The following SHOC1 variants were observed in gnomAD, a reference collection of about 807,000 sequenced individuals.
The protein encoded by SHOC1 is protein shortage in chiasmata 1 ortholog.
A neutral mutation model predicts 179.2 loss-of-function variants in SHOC1; 136 were observed. The ratio of observed to expected loss-of-function variants is 0.76; its 90% confidence interval spans 0.66 to 0.87. The LOEUF (loss-of-function observed/expected upper bound fraction) is 0.87. Among genes scored for constraint, SHOC1 ranks in the 40% least tolerant of loss-of-function variants. SHOC1 has a pLI of 0.00. For missense variants in SHOC1, 1,538 were observed against 1,700.8 expected (o/e 0.90, Z 1.68); for synonymous variants, 489 against 586.6 (o/e 0.83, Z 2.41).
At chr9:111,766,611 T>G (rs139627356) in intron 5 of SHOC1, among the ~76,000 whole-genome samples, 152 of 152,156 alleles carry the variant, frequency 1.0e-3, no homozygotes, top group African/African-American at 3.3e-3. Flanking sequence ...TTTTTTTGTT[T>G]TTGGTTTTTT....
At chr9:111,730,763 C>T (rs1008577398) in intron 12 of SHOC1, among the ~76,000 whole-genome samples, 1 of 152,186 alleles carries the variant, frequency 6.6e-6, no homozygotes, top group Non-Finnish European at 1.5e-5. Flanking sequence ...GCTGCATTAG[C>T]CCCTAATAGG....
chr9:111,720,862 G>A (rs930628514), intron 15 of SHOC1, among the ~76,000 whole-genome samples: 14 of 152,154 alleles, frequency 9.2e-5, no homozygotes, highest in African/African-American at 1.7e-4. Flanking sequence ...AAGTGTCAGC[G>A]TCCTTTTCTG....
At chr9:111,762,706 A>C (rs1835188123) in intron 5 of SHOC1, among the ~76,000 whole-genome samples, 1 of 152,156 alleles carries the variant, frequency 6.6e-6, no homozygotes, top group Admixed American at 6.6e-5. Flanking sequence ...GAACAGAAGG[A>C]ATCTTCCTCA....
rs540977290 is a variant in SHOC1, at chr9:111,733,638, C to T, written c.1417+4642G>A. On this transcript the variant is annotated intron_variant, in intron 12 of 27. Coordinates refer to ENST00000682961, the MANE Select transcript of SHOC1 (RefSeq NM_001378211.1). ...ATCCCAGCACTTTGGGATGCCAAGG[C>T]GGGCGGATCACCTGAGGTCAGCAGT... Among the ~76,000 whole-genome samples, 4 of 152,152 alleles carry T rather than the reference C, an allele frequency of 2.6e-5. No individual in the cohort carries two copies. The South Asian group carries it at 6.2e-4, about 24-fold the overall frequency.
At chr9:111,763,517 C>T (rs1380143369) in intron 5 of SHOC1, among the ~76,000 whole-genome samples, 1 of 151,892 alleles carries the variant, frequency 6.6e-6, no homozygotes, top group Non-Finnish European at 1.5e-5. Flanking sequence ...TGGAACAATG[C>T]CTTTGAAATT....
At chr9:111,777,211 T>C (rs530648541) in intron 4 of SHOC1, among the ~76,000 whole-genome samples, 10 of 152,310 alleles carry the variant, frequency 6.6e-5, no homozygotes, top group African/African-American at 2.4e-4. Flanking sequence ...GGTTTTACAA[T>C]AGTGATGTTA....
chr9:111,692,578 T>G, intron 26 of SHOC1, 67 bp from the exon 27 acceptor site: 1 of 1,239,846 alleles, frequency 8.1e-7, no homozygotes, highest in Non-Finnish European at 1.1e-6. Context: ...CTTATCTATA[T>G]GGAAAGAAGG....
rs1466166156 is a variant in SHOC1 at position 111,780,958 on chromosome 9, T to G, written c.229A>C (p.Ser77Arg). Residue 77 changes from serine to arginine, a missense_variant, in exon 4 of 28, where the codon AGT (serine) becomes CGT (arginine). By Grantham distance (110) the Ser-to-Arg change is moderately radical (BLOSUM62 -1). Coordinates refer to ENST00000682961, the MANE Select transcript of SHOC1 (RefSeq NM_001378211.1). ...TCAAGGAAATCCTCCACAAAGAAAC[T>G]TGCTTTCCATTGGTCCAAGACTGAG... ...DTSVLDQWKA[S>R]FFVEDFLEKK... is the part of the protein sequence containing the mutation. The G allele has an allele frequency of 6.2e-7, 1 of 1,613,354 alleles. No individual in the cohort carries two copies. The highest frequency in any genetic ancestry group is 1.1e-5 in the South Asian group (1 of 91,004).
At chr9:111,757,062 T>A (rs1279935947) in intron 7 of SHOC1, among the ~76,000 whole-genome samples, 10 of 152,194 alleles carry the variant, frequency 6.6e-5, no homozygotes, top group African/African-American at 2.4e-4. Flanking sequence ...TTAAGTCCAT[T>A]AAAATCTCCA....
At chr9:111,758,010 G>T in intron 7 of SHOC1, 74 bp downstream of exon 7, 2 of 694,698 alleles carry the variant, frequency 2.9e-6, no homozygotes, top group Non-Finnish European at 4.9e-6. Context: ...TGTAGACAAT[G>T]TATATTACAC....
chr9:111,791,285 A>G (rs187346047), intron 2 of SHOC1, 89 bp downstream of exon 2: 1,138 of 631,056 alleles, frequency 1.8e-3, no homozygotes, highest in Admixed American at 4.9e-3. Context: ...AGCATTTCAG[A>G]TAAGGGATAC....
rs749205113 is a variant in SHOC1 at position 111,718,171 on chromosome 9, A to G, written c.2236+13T>C. ...ATAGGAAGAAAAGAGGAAATAAAATATTCCCCACCAACCCAATGCTGTGTC... is the reference window on the plus strand; with the variant it reads ...ATAGGAAGAAAAGAGGAAATAAAATGTTCCCCACCAACCCAATGCTGTGTC... On this transcript the variant is annotated intron_variant, in intron 16 of 27. Coordinates refer to ENST00000682961, the MANE Select transcript of SHOC1 (RefSeq NM_001378211.1). 1 of 1,528,644 alleles carries G rather than the reference A, an allele frequency of 6.5e-7. No individual in the cohort carries two copies. The highest frequency in any genetic ancestry group is 1.3e-5 in the South Asian group (1 of 78,552). The allele number at this position is 1,528,644 out of a possible 1,614,324, so 94.7% of individuals were successfully genotyped here. A position where few individuals can be genotyped will look rare whatever the true frequency, so the allele number is the denominator to read the frequency against.
chr9:111,698,076 A>G (rs1203096548), intron 24 of SHOC1, among the ~76,000 whole-genome samples: 1 of 152,166 alleles, frequency 6.6e-6, no homozygotes, highest in Non-Finnish European at 1.5e-5. Context: ...AGTTCTTTGT[A>G]GATTCTGGAT....
chr9:111,701,095 A>G (rs1276621310), intron 23 of SHOC1, among the ~76,000 whole-genome samples: 5 of 152,188 alleles, frequency 3.3e-5, no homozygotes, highest in Non-Finnish European at 7.3e-5. Flanking sequence ...AATCATAGCC[A>G]TGAATACAGC....
chr9:111,730,962 A>G (rs1833540229), intron 12 of SHOC1, among the ~76,000 whole-genome samples: 1 of 152,206 alleles, frequency 6.6e-6, no homozygotes, highest in African/African-American at 2.4e-5. Flanking sequence ...CAGCTTCTAC[A>G]TTTGCACTTG....
intron 27 of SHOC1, among the ~76,000 whole-genome samples, chr9:111,688,088 T>C (rs925856028): frequency 6.6e-6 from 1 of 151,962 alleles, no homozygotes; most frequent in Non-Finnish European, 1.5e-5. Flanking sequence ...GGACTACCAG[T>C]AGCATTCTGG....
chr9:111,738,218 A>T lies in SHOC1; in HGVS notation c.1417+62T>A, dbSNP rs766972652. On this transcript the variant is annotated intron_variant, in intron 12 of 27. Transcript: ENST00000682961. ...TCCCAATTACCTAGAGGAAATCCAG[A>T]ATCTAACATTTTCACATTCTGAAAA... 1.6e-5 allele frequency: 23 copies of T among 1,439,932 alleles called. No individual in the cohort carries two copies. The African/African-American group carries it at 3.3e-4, about 20-fold the overall frequency. 89.2% of individuals were successfully genotyped at this position (1,439,932 alleles called of 1,614,324 possible).
chr9:111,700,187 T>C, intron 23 of SHOC1, 140 bp from the exon 24 acceptor site: 1 of 458,582 alleles, frequency 2.2e-6, no homozygotes, highest in Non-Finnish European at 3.8e-6. Context: ...ATTTGTGGGG[T>C]TTTTTTTTCC....
At chr9:111,712,732 G>C (rs1832610201) in intron 18 of SHOC1, among the ~76,000 whole-genome samples, 1 of 152,170 alleles carries the variant, frequency 6.6e-6, no homozygotes, top group African/African-American at 2.4e-5. Flanking sequence ...CTAACTACCT[G>C]TGAGATTTGG....
Sources: gnomAD v4.1 joint callset for allele counts (sites outside exome capture counted in the v4.1 genomes callset) on GRCh38, gnomAD v4.1.1 for gene constraint, MANE v1.5 for transcripts, NCBI Gene and HGNC (gene_info 2026-07-23, HGNC 2026-07-21) for gene names.